OSBPL3: variants seen among roughly 807,000 people sequenced by gnomAD.
The protein encoded by OSBPL3 is oxysterol binding protein like 3, also known as oxysterol-binding protein-related protein 3.
Under a neutral mutation model 120.1 loss-of-function variants are expected in OSBPL3, and 65 were observed. The observed-to-expected ratio is 0.54, with a 90% CI of 0.44 to 0.67. OSBPL3 has a LOEUF of 0.67. Among genes scored for constraint, OSBPL3 ranks in the 30% least tolerant of loss-of-function variants. OSBPL3 has a pLI of 0.00. For synonymous variants in OSBPL3, 416 were observed against 402.6 expected, an observed-to-expected ratio of 1.03 and a Z score of -0.40; for missense variants, 1,004 against 1,082.1, an observed-to-expected ratio of 0.93 and a Z score of 1.01.
At position 24,855,000 on chromosome 7, in the gene OSBPL3, T is replaced by C. The variant is rs1490575276; in HGVS notation, c.1028-2366A>G. Among the ~76,000 whole-genome samples, 1 of 152,228 alleles carries C rather than the reference T, an allele frequency of 6.6e-6. No homozygotes were observed. Among genetic ancestry groups the C allele is most frequent in the Non-Finnish European group, 1.5e-5 (1 of 68,036 alleles). ...TCTCTTGAAATGTTGGCAGCAGCTC[T>C]AGATGATGCTTTACTCTTTTGCCAG... On this transcript the variant is annotated intron_variant, in intron 10 of 22. Coordinates refer to ENST00000313367, the MANE Select transcript of OSBPL3 (RefSeq NM_015550.4). The surrounding 1 kb of genome is among the most constrained non-coding windows in gnomAD (Gnocchi z 4.1).
chr7:24,800,383 A>G (rs1792155740), intron 22 of OSBPL3, 104 bp from the exon 23 acceptor site: 2 of 634,112 alleles, frequency 3.2e-6, no homozygotes, highest in Admixed American at 4.4e-5. Flanking sequence ...TCATTCCCAC[A>G]TGCATTCAGC....
At chr7:24,963,446 C>T (rs1000891162) in intron 1 of OSBPL3, among the ~76,000 whole-genome samples, 3 of 152,246 alleles carry the variant, frequency 2.0e-5, no homozygotes, top group African/African-American at 7.2e-5. Flanking sequence ...CCAGGCAACA[C>T]AGACTCACCA....
intron 2 of OSBPL3, among the ~76,000 whole-genome samples, chr7:24,880,238 G>A (rs1259765328): frequency 1.3e-5 from 2 of 152,120 alleles, no homozygotes; most frequent in Admixed American, 6.6e-5. Flanking sequence ...AAATTAGTTT[G>A]TGCAAGATCA....
At chr7:24,960,917 T>C (rs1000161905) in intron 1 of OSBPL3, among the ~76,000 whole-genome samples, 1 of 152,220 alleles carries the variant, frequency 6.6e-6, no homozygotes, top group African/African-American at 2.4e-5. Context: ...GATCTTACCT[T>C]GCCCACCTTC....
rs190828796 is a variant in OSBPL3, at chr7:24,877,243, T to C, written c.97-5174A>G. On this transcript the variant is annotated intron_variant, in intron 2 of 22. Transcript: ENST00000313367. This position sits in a 1 kb window ranked among gnomAD's most constrained non-coding sequence, Gnocchi z 4.8. ...GTGGTGGGCCAAGACCTTGAGACAA[T>C]TGGAAGGAGTTAAGAAACAGTGCAG... is the stretch of plus-strand genomic sequence containing the variant. Among the ~76,000 whole-genome samples the C allele has an allele frequency of 2.5e-4, 38 of 152,236 alleles. No individual in the cohort carries two copies. Among genetic ancestry groups the C allele is most frequent in the Non-Finnish European group, 4.1e-4 (28 of 68,016 alleles).
In OSBPL3 at chr7:24,883,924, C is replaced by A. The variant is rs1184181337; in HGVS notation, c.96+8453G>T. Among the ~76,000 whole-genome samples, 1 of 152,152 alleles carries A rather than the reference C, an allele frequency of 6.6e-6. No homozygotes were observed. Among genetic ancestry groups the A allele is most frequent in the Non-Finnish European group, 1.5e-5 (1 of 68,046 alleles). Reference sequence around the variant, plus strand: ...AGTCTTATTTCTTCAGCCTTCCTGCCTCTGAGGTATGTTATAACCATAGGG... The same window carrying A: ...AGTCTTATTTCTTCAGCCTTCCTGCATCTGAGGTATGTTATAACCATAGGG... On this transcript the variant is annotated intron_variant, in intron 2 of 22. Transcript: ENST00000313367. The surrounding 1 kb of genome is among the most constrained non-coding windows in gnomAD (Gnocchi z 5.4).
At chr7:24,902,373 C>A (rs989443436) in intron 1 of OSBPL3, among the ~76,000 whole-genome samples, 1 of 152,168 alleles carries the variant, frequency 6.6e-6, no homozygotes, top group Non-Finnish European at 1.5e-5. Flanking sequence ...CTTTCTGCAA[C>A]TGGCTTATTT....
Position 24,815,293 on chromosome 7 carries a change from G to T in OSBPL3, c.2028-90C>A. ...TCTGCTCTTTTATAAAATAAGTCATGCAATGCATTATTCATCTCTTTATTC... is the reference window on the plus strand; with the variant it reads ...TCTGCTCTTTTATAAAATAAGTCATTCAATGCATTATTCATCTCTTTATTC... On this transcript the variant is annotated intron_variant, in intron 18 of 22. Coordinates refer to ENST00000313367, the MANE Select transcript of OSBPL3 (RefSeq NM_015550.4). The surrounding 1 kb of genome is among the most constrained non-coding windows in gnomAD (Gnocchi z 5.1). 2 of 978,224 alleles carry T rather than the reference G, an allele frequency of 2.0e-6. No individual in the cohort carries two copies. Among genetic ancestry groups the T allele is most frequent in the Non-Finnish European group, 3.2e-6 (2 of 630,702 alleles). The allele number at this position is 978,224 out of a possible 1,614,324, so 60.6% of individuals were successfully genotyped here.
At position 24,894,083 on chromosome 7, in the gene OSBPL3, G is replaced by A. The variant is rs185738892; in HGVS notation, c.-149-1462C>T. On this transcript the variant is annotated intron_variant, in intron 1 of 22. Transcript: ENST00000313367. This position sits in a 1 kb window ranked among gnomAD's most constrained non-coding sequence, Gnocchi z 4.1. Reference sequence around the variant, plus strand: ...CATATATTTGTCTAGGAACCAGCTAGTTAACTATGATATCAAACCTGGCTA... The same window carrying A: ...CATATATTTGTCTAGGAACCAGCTAATTAACTATGATATCAAACCTGGCTA... Among the ~76,000 whole-genome samples, 1 of 152,174 alleles carries A rather than the reference G, an allele frequency of 6.6e-6. No homozygotes were observed. The highest frequency in any genetic ancestry group is 1.9e-4 in the East Asian group (1 of 5,190).
intron 1 of OSBPL3, among the ~76,000 whole-genome samples, chr7:24,901,660 T>C (rs1327344351): frequency 6.6e-6 from 1 of 152,172 alleles, no homozygotes; most frequent in African/African-American, 2.4e-5. Context: ...CCTAGATCTA[T>C]TATGTTGAAA....
rs1284937106 is a variant in OSBPL3 at position 24,849,218 on chromosome 7, TG to T, written c.1159-43del. 6.7e-7 allele frequency: 1 copy of T among 1,500,166 alleles called. No homozygotes were observed. Among genetic ancestry groups the T allele is most frequent in the Non-Finnish European group, 9.3e-7 (1 of 1,079,976 alleles). 92.9% of individuals were successfully genotyped at this position (1,500,166 alleles called of 1,614,324 possible). On this transcript the variant is annotated intron_variant, in intron 11 of 22. Transcript: ENST00000313367. This position sits in a 1 kb window ranked among gnomAD's most constrained non-coding sequence, Gnocchi z 5.4. ...TAGTGGGGCTCTGTTAATAAATGGA[TG>T]TTTCAGAAAAGCACAGCAGTGGGCC...
In OSBPL3 at chr7:24,822,745, G is replaced by A. The variant is rs1266594665; in HGVS notation, c.1885-2507C>T. 6.6e-6 allele frequency among the ~76,000 whole-genome samples: 1 copy of A among 151,978 alleles called. No individual in the cohort carries two copies. Among genetic ancestry groups the A allele is most frequent in the Non-Finnish European group, 1.5e-5 (1 of 67,988 alleles). ...ATAATTTTAAACCCCATAAAACAGG[G>A]ATAAATATACATCCATATGAATTAC... On this transcript the variant is annotated intron_variant, in intron 16 of 22. Coordinates refer to ENST00000313367, the MANE Select transcript of OSBPL3 (RefSeq NM_015550.4). The surrounding 1 kb of genome is among the most constrained non-coding windows in gnomAD (Gnocchi z 5.8).
In OSBPL3 at chr7:24,898,258, G is replaced by A. The variant is rs752918108; in HGVS notation, c.-149-5637C>T. ...CTAATCACAACTTCAGATACCGATC[G>A]GTGATCCCGGACCTCTGAAGTGCTG... On this transcript the variant is annotated intron_variant, in intron 1 of 22. Transcript: ENST00000313367. The surrounding 1 kb of genome is among the most constrained non-coding windows in gnomAD (Gnocchi z 4.3). 3.3e-5 allele frequency among the ~76,000 whole-genome samples: 5 copies of A among 152,130 alleles called. No homozygotes were observed. Among genetic ancestry groups the A allele is most frequent in the African/African-American group, 4.8e-5 (2 of 41,422 alleles).
chr7:24,955,484 G>C lies in OSBPL3; in HGVS notation c.-150+24402C>G, dbSNP rs1421699858. Among the ~76,000 whole-genome samples the C allele has an allele frequency of 6.6e-6, 1 of 152,224 alleles. No individual in the cohort carries two copies. Among genetic ancestry groups the C allele is most frequent in the Non-Finnish European group, 1.5e-5 (1 of 68,034 alleles). ...TTCTCCCTGGCTGTTCTGTGGAGGAGAGGCTACTGGGGTGGCCTCAGGGCC... is the reference window on the plus strand; with the variant it reads ...TTCTCCCTGGCTGTTCTGTGGAGGACAGGCTACTGGGGTGGCCTCAGGGCC... On this transcript the variant is annotated intron_variant, in intron 1 of 22. Coordinates refer to ENST00000313367, the MANE Select transcript of OSBPL3 (RefSeq NM_015550.4). The surrounding 1 kb of genome is among the most constrained non-coding windows in gnomAD (Gnocchi z 4.3).
chr7:24,909,783 C>CTTTCTT (rs1562916091), intron 1 of OSBPL3, among the ~76,000 whole-genome samples: 1 of 77,280 alleles, frequency 1.3e-5, no homozygotes, highest in Non-Finnish European at 2.3e-5. Context: ...TTTTTTCTTT[C>CTTTCTT]TTTTTTTTTT....
At chr7:24,979,736 C>T (rs1818043780) in intron 1 of OSBPL3, 150 bp downstream of exon 1, 1 of 298,922 alleles carries the variant, frequency 3.3e-6, no homozygotes, top group African/African-American at 2.3e-5. Flanking sequence ...TTGGGTCTGC[C>T]CCAGGGCCGG....
At chr7:24,885,708 A>C (rs1804424732) in intron 2 of OSBPL3, among the ~76,000 whole-genome samples, 1 of 152,256 alleles carries the variant, frequency 6.6e-6, no homozygotes, top group African/African-American at 2.4e-5. Context: ...TACTCTTTCC[A>C]ATCAGAGTTG....
intron 12 of OSBPL3, among the ~76,000 whole-genome samples, chr7:24,847,077 AAGAAAGAAAG>A (rs1270552162): frequency 8.0e-5 from 12 of 150,268 alleles, no homozygotes; most frequent in African/African-American, 2.7e-4. Flanking sequence ...AAAAAAAAAA[AAGAAAGAAAG>A]AAAAGGAAAC....
intron 1 of OSBPL3, among the ~76,000 whole-genome samples, 173 bp from the exon 2 acceptor site, chr7:24,892,794 T>A (rs1273924287): frequency 6.6e-6 from 1 of 152,202 alleles, no homozygotes; most frequent in Non-Finnish European, 1.5e-5. Flanking sequence ...CAGGGAATTT[T>A]GTATAGGTGG....
Sources: gnomAD v4.1 joint callset for allele counts (sites outside exome capture counted in the v4.1 genomes callset) on GRCh38, gnomAD v4.1.1 for gene constraint, Gnocchi (gnomAD v3.1) non-coding constraint, MANE v1.5 for transcripts, NCBI Gene and HGNC (gene_info 2026-07-23, HGNC 2026-07-21) for gene names.